The following PTCH1 variants were observed in gnomAD, a reference collection of about 807,000 sequenced individuals.
PTCH1 encodes patched 1.
PTCH1 carries 14 observed loss-of-function variants against 144.6 expected under a neutral mutation model. The ratio of observed to expected loss-of-function variants is 0.10; its 90% confidence interval spans 0.06 to 0.15. PTCH1 has a LOEUF of 0.15. Ranked by LOEUF, PTCH1 falls within the 10% of genes least tolerant of loss-of-function variation. PTCH1 has a pLI of 1.00. For missense variants in PTCH1, 1,623 were observed against 1,948.3 expected, an observed-to-expected ratio of 0.83 and a Z score of 3.14; for synonymous variants, 833 against 793.6, an observed-to-expected ratio of 1.05 and a Z score of -0.83.
At chr9:95,461,809 G>A (rs770472410) in intron 16 of PTCH1, 47 bp downstream of exon 16, 11 of 1,611,696 alleles carry the variant, frequency 6.8e-6, no homozygotes, top group Admixed American at 6.7e-5. Context: ...CCAGGGCAGC[G>A]GCCCCGCAGC....
intron 5 of PTCH1, 106 bp downstream of exon 5, chr9:95,481,843 T>C: frequency 9.3e-7 from 1 of 1,077,678 alleles, no homozygotes; most frequent in Non-Finnish European, 1.4e-6. Flanking sequence ...TTCAATGTTT[T>C]TATTTCTTGT....
upstream of PTCH1, among the ~76,000 whole-genome samples, chr9:95,512,004 T>C (rs372301876): frequency 3.4e-3 from 518 of 152,348 alleles, 5 homozygotes; most frequent in African/African-American, 0.012. Context: ...CTCAATCTTT[T>C]ACTAGAGGGA....
At chr9:95,480,740 A>G (rs1204297807) in intron 5 of PTCH1, 152 bp from the exon 6 acceptor site, 7 of 793,390 alleles carry the variant, frequency 8.8e-6, no homozygotes, top group Non-Finnish European at 1.3e-5. Flanking sequence ...GCTCCTTTCC[A>G]GCATATCTGC....
Position 95,449,711 on chromosome 9 carries a change from A to G in PTCH1, c.3549+130T>C, listed in dbSNP as rs1269114513. ...CAGTACACCGAAGAGGAAAACAGAC[A>G]TGACTCTGAGATGTTTACTGAAGAA... On this transcript the variant is annotated intron_variant, in intron 21 of 23. Transcript: ENST00000331920. The surrounding 1 kb of genome is among the most constrained non-coding windows in gnomAD (Gnocchi z 5.3). The G allele has an allele frequency of 2.1e-6, 2 of 934,216 alleles. No individual in the cohort carries two copies. The highest frequency in any genetic ancestry group is 1.6e-5 in the African/African-American group (1 of 61,020). 57.9% of individuals were successfully genotyped at this position (934,216 alleles called of 1,614,324 possible).
chr9:95,477,928 C>T (rs747012392), intron 9 of PTCH1, 127 bp downstream of exon 9: 31 of 1,541,482 alleles, frequency 2.0e-5, no homozygotes, highest in African/African-American at 2.7e-5. Context: ...TGTGAAGCCA[C>T]GCTCTCTCTG....
At chr9:95,481,033 T>G (rs547887142) in intron 5 of PTCH1, among the ~76,000 whole-genome samples, 1 of 152,316 alleles carries the variant, frequency 6.6e-6, no homozygotes, top group East Asian at 1.9e-4. Context: ...CCCATACTTA[T>G]GAGCGCTCTC....
At chr9:95,516,561 C>G in exon 1 of PTCH1, 7 of 1,550,070 alleles carry the variant, frequency 4.5e-6, no homozygotes, top group Non-Finnish European at 6.1e-6. Context: ...TTTTCCCTGG[C>G]CCCCCTTTCC....
At chr9:95,514,621 G>GGTGT (rs3222829) in intron 1 of PTCH1, 3,731 of 148,602 alleles carry the variant, frequency 0.025, 139 homozygotes, top group African/African-American at 0.08. Context: ...GAAAATAAAA[G>GGTGT]GTGTGTGTGT....
chr9:95,509,746 T>C (rs1320577952), upstream of PTCH1, among the ~76,000 whole-genome samples: 1 of 152,036 alleles, frequency 6.6e-6, no homozygotes, highest in Non-Finnish European at 1.5e-5. Flanking sequence ...CTGCAGCAAA[T>C]ACTGGGAGGT....
In PTCH1 at chr9:95,459,579, T is replaced by C. The variant is rs2236406; in HGVS notation, c.2887+21A>G. ...AGGCACCTCTGTAAGTTCCCAGACC[T>C]CCCGATAAAACGCTACTTACTTCTC... is the stretch of plus-strand genomic sequence containing the variant. On this transcript the variant is annotated intron_variant, in intron 17 of 23. Coordinates refer to ENST00000331920, the MANE Select transcript of PTCH1 (RefSeq NM_000264.5). The C allele has an allele frequency of 0.36, 577,254 of 1,611,910 alleles. 108,801 individuals are homozygous for C. The highest frequency in any genetic ancestry group is 0.66 in the African/African-American group (49,745 of 74,892).
chr9:95,450,201 A>C, intron 20 of PTCH1: 1 of 503,558 alleles, frequency 2.0e-6, no homozygotes, highest in Non-Finnish European at 3.6e-6. Context: ...TAGTTTGTTA[A>C]TTTGCTGAAC....
intron 1 of PTCH1, among the ~76,000 whole-genome samples, chr9:95,516,204 C>T (rs993264613): frequency 4.7e-5 from 7 of 150,460 alleles, no homozygotes; most frequent in Non-Finnish European, 7.4e-5. Context: ...GCCCCCTCCC[C>T]GCCACGCGGG....
chr9:95,478,437 A>G (rs1454665262), intron 8 of PTCH1, among the ~76,000 whole-genome samples: 1 of 151,978 alleles, frequency 6.6e-6, no homozygotes, highest in Non-Finnish European at 1.5e-5. Flanking sequence ...GCTGGAGTTC[A>G]CTCTGAGTGC....
At chr9:95,489,094 C>T (rs1842195412) in intron 2 of PTCH1, among the ~76,000 whole-genome samples, 1 of 152,312 alleles carries the variant, frequency 6.6e-6, no homozygotes, top group South Asian at 2.1e-4. Context: ...TCAGTATTGA[C>T]CCAAGGCACT....
intron 16 of PTCH1, among the ~76,000 whole-genome samples, chr9:95,460,150 G>C (rs1441995353): frequency 1.3e-5 from 2 of 152,232 alleles, no homozygotes; most frequent in Admixed American, 6.5e-5. Flanking sequence ...ATGCACGTCT[G>C]TGTGCAGTTA....
chr9:95,470,860 G>A (rs1400343953), intron 12 of PTCH1, among the ~76,000 whole-genome samples: 4 of 152,130 alleles, frequency 2.6e-5, no homozygotes, highest in Non-Finnish European at 5.9e-5. Context: ...GGATCACGGG[G>A]TCAGGGATCT....
chr9:95,491,567 T>G (rs1842412981), intron 2 of PTCH1, among the ~76,000 whole-genome samples: 1 of 152,186 alleles, frequency 6.6e-6, no homozygotes, highest in Non-Finnish European at 1.5e-5. Flanking sequence ...CTGCAGAGTT[T>G]GGGTGGCTTG....
Position 95,467,106 on chromosome 9 carries a change from G to A in PTCH1, c.2560+10C>T, listed in dbSNP as rs779855404. 6.2e-6 allele frequency: 10 copies of A among 1,613,816 alleles called. No homozygotes were observed. Among genetic ancestry groups the A allele is most frequent in the South Asian group, 1.1e-5 (1 of 91,068 alleles). The stretch of plus-strand genomic sequence containing the variant: ...GACCGAAAGGACGAGAGCCTCCCAC[G>A]CCGTCTTACCCTGAAGCCAGTCTCT... On this transcript the variant is annotated intron_variant, in intron 15 of 23. Transcript: ENST00000331920.
intron 12 of PTCH1, among the ~76,000 whole-genome samples, chr9:95,473,822 G>C (rs953227716): frequency 6.6e-5 from 10 of 152,192 alleles, no homozygotes; most frequent in Non-Finnish European, 1.5e-4. Context: ...GATTACAGGC[G>C]TGAGCCACCG....
Sources: gnomAD v4.1 joint callset for allele counts (sites outside exome capture counted in the v4.1 genomes callset) on GRCh38, gnomAD v4.1.1 for gene constraint, Gnocchi (gnomAD v3.1) non-coding constraint, MANE v1.5 for transcripts, NCBI Gene and HGNC (gene_info 2026-07-23, HGNC 2026-07-21) for gene names.